RYR3: variants seen among roughly 807,000 people sequenced by gnomAD.
The protein encoded by RYR3 is brain ryanodine receptor-calcium release channel.
A neutral mutation model predicts 584.3 loss-of-function variants in RYR3; 207 were observed. The ratio of observed to expected loss-of-function variants is 0.35; its 90% CI spans 0.32 to 0.40. The LOEUF is 0.40. RYR3 is among the 10% of genes least tolerant of loss of function. The pLI is 1.00. For synonymous variants in RYR3, 2,416 were observed against 2,248.5 expected (o/e 1.07, Z -2.11); for missense variants, 5,616 against 6,089.2 (o/e 0.92, Z 2.59).
In RYR3 at chr15:33,395,321, T is replaced by A. The variant is rs116316159; in HGVS notation, c.52-78098T>A. On this transcript the variant is annotated intron_variant, in intron 1 of 103. Transcript: ENST00000634891. ...GAAGACATTTCTAATGCAGAGATGA[T>A]GCTTTATGTTTTATTCTTTCTAACC... Among the ~76,000 whole-genome samples the A allele has an allele frequency of 1.6e-3, 245 of 152,370 alleles. 1 individual carries two copies. The highest frequency in any genetic ancestry group is 5.7e-3 in the African/African-American group (237 of 41,580).
Position 33,780,350 on chromosome 15 carries a change from C to G in RYR3, c.9268+9C>G, listed in dbSNP as rs1216937711. 6.2e-7 allele frequency: 1 copy of G among 1,613,284 alleles called. No individual in the cohort carries two copies. The highest frequency in any genetic ancestry group is 1.7e-4 in the Middle Eastern group (1 of 6,060). On this transcript the variant is annotated intron_variant, in intron 65 of 103. Coordinates refer to ENST00000634891, the MANE Select transcript of RYR3 (RefSeq NM_001036.6). ...CCCCAGGGAGAGGTCTAGTAAGTAT[C>G]TCCCCTCAAAGGTCATCAACCCATT...
At chr15:33,521,258 A>T (rs1037018739) in intron 3 of RYR3, among the ~76,000 whole-genome samples, 2 of 152,126 alleles carry the variant, frequency 1.3e-5, no homozygotes, top group South Asian at 2.1e-4. Flanking sequence ...CCTGAAAGAG[A>T]CTACTTTACT....
intron 1 of RYR3, among the ~76,000 whole-genome samples, chr15:33,345,387 A>C (rs1972326191): frequency 6.6e-6 from 1 of 152,038 alleles, no homozygotes; most frequent in South Asian, 2.1e-4. Context: ...TCCCTTTGTC[A>C]CTCTGGCTAG....
chr15:33,504,727 C>A (rs1196816127), intron 3 of RYR3, among the ~76,000 whole-genome samples: 1 of 152,210 alleles, frequency 6.6e-6, no homozygotes, highest in African/African-American at 2.4e-5. Context: ...TGCCCCATCT[C>A]TCACCACATC....
At chr15:33,605,615 C>T (rs1056827035) in intron 18 of RYR3, among the ~76,000 whole-genome samples, 10 of 152,178 alleles carry the variant, frequency 6.6e-5, no homozygotes, top group Admixed American at 2.0e-4. Flanking sequence ...AAGTTTTATA[C>T]GTTTCATTCT....
intron 49 of RYR3, among the ~76,000 whole-genome samples, chr15:33,736,716 T>A (rs2069497978): frequency 6.6e-6 from 1 of 152,186 alleles, no homozygotes; most frequent in Non-Finnish European, 1.5e-5. Flanking sequence ...GTGCTTTTCT[T>A]CTTTGTAAGA....
intron 99 of RYR3, 53 bp from the exon 100 acceptor site, chr15:33,859,522 C>G (rs1419923928): frequency 1.3e-6 from 2 of 1,598,532 alleles, no homozygotes; most frequent in Non-Finnish European, 1.7e-6. Context: ...GAGCATCTTG[C>G]TAAAAACAGA....
chr15:33,736,770 A>G (rs7161952), intron 49 of RYR3, among the ~76,000 whole-genome samples: 30,219 of 131,912 alleles, frequency 0.23, 3,092 homozygotes, highest in South Asian at 0.29. Context: ...TTTAAATGAG[A>G]TGGAGTCTTG....
intron 1 of RYR3, among the ~76,000 whole-genome samples, chr15:33,349,106 C>CTTTTTT (rs749996197): frequency 1.8e-5 from 2 of 113,558 alleles, no homozygotes; most frequent in Non-Finnish European, 3.6e-5. Context: ...TAGCTTGTGC[C>CTTTTTT]TTTTTTTTTT....
intron 1 of RYR3, among the ~76,000 whole-genome samples, chr15:33,461,144 C>T (rs1050413875): frequency 5.3e-5 from 8 of 151,830 alleles, no homozygotes; most frequent in African/African-American, 1.9e-4. Context: ...CGGGGTTTCA[C>T]CGTGTTAGCC....
At chr15:33,615,760 T>G (rs933252098) in intron 19 of RYR3, among the ~76,000 whole-genome samples, 1 of 152,188 alleles carries the variant, frequency 6.6e-6, no homozygotes, top group African/African-American at 2.4e-5. Context: ...GCTATTCTCA[T>G]TGACAGCCAT....
chr15:33,554,920 A>G (rs2056967156), intron 10 of RYR3, among the ~76,000 whole-genome samples: 1 of 152,168 alleles, frequency 6.6e-6, no homozygotes, highest in African/African-American at 2.4e-5. Context: ...GGCCATATAT[A>G]TAGCCGCTTT....
At chr15:33,466,132 GTCCTTAAAATACACCTGTTTTTTAAA>G (rs2048468940) in intron 1 of RYR3, among the ~76,000 whole-genome samples, 1 of 152,136 alleles carries the variant, frequency 6.6e-6, no homozygotes, top group Non-Finnish European at 1.5e-5. Flanking sequence ...AAACTTGGGA[GTCCTTAAAATACACCTGTTTTTTAAA>G]GCCATGTAAC....
At position 33,830,955 on chromosome 15, in the gene RYR3, GT is replaced by G; in HGVS notation, c.11335-3del. On this transcript the variant is annotated splice_polypyrimidine_tract_variant and splice_region_variant and intron_variant, in intron 85 of 103. Coordinates refer to ENST00000634891, the MANE Select transcript of RYR3 (RefSeq NM_001036.6). ...GAGAAATACTAAGCTCTACTCATTT[GT>G]TTTTAGGAATCAATCAGTGATTTCT... is the stretch of plus-strand genomic sequence containing the variant. The G allele has an allele frequency of 6.2e-7, 1 of 1,612,640 alleles. No individual in the cohort carries two copies. Among genetic ancestry groups the G allele is most frequent in the South Asian group, 1.1e-5 (1 of 90,810 alleles).
At chr15:33,791,585 C>T (rs928970828) in intron 67 of RYR3, among the ~76,000 whole-genome samples, 1 of 152,016 alleles carries the variant, frequency 6.6e-6, no homozygotes, top group African/African-American at 2.4e-5. Flanking sequence ...CAGGGAGATG[C>T]GGGGTGATTA....
chr15:33,434,478 T>C (rs1259539022), intron 1 of RYR3, among the ~76,000 whole-genome samples: 2 of 152,244 alleles, frequency 1.3e-5, no homozygotes, highest in Non-Finnish European at 2.9e-5. Flanking sequence ...CTAAAACTTA[T>C]CTTCTCTCTG....
chr15:33,647,546 A>G lies in RYR3; in HGVS notation c.3978+86A>G, dbSNP rs1357254150. 7.3e-6 allele frequency: 7 copies of G among 953,532 alleles called. No homozygotes were observed. In the African/African-American group the frequency reaches 8.1e-5, roughly 11 times the overall value. The allele number at this position is 953,532 out of a possible 1,614,324, so 59.1% of individuals were successfully genotyped here. A position where few individuals can be genotyped will look rare whatever the true frequency, so the allele number is the denominator to read the frequency against. On this transcript the variant is annotated intron_variant, in intron 30 of 103. Coordinates refer to ENST00000634891, the MANE Select transcript of RYR3 (RefSeq NM_001036.6). ...TGCCCCTTACAGCAAAGATCCGTCT[A>G]GAGATCCTCTTTAATTGCCAATTAC...
chr15:33,859,690 T>A lies in RYR3; in HGVS notation c.14258T>A (p.Phe4753Tyr). 1 of 1,613,438 alleles carries A rather than the reference T, an allele frequency of 6.2e-7. No homozygotes were observed. Among genetic ancestry groups the A allele is most frequent in the Non-Finnish European group, 8.5e-7 (1 of 1,179,602 alleles). Residue 4753 changes from phenylalanine to tyrosine, a missense_variant, in exon 100 of 104, where the codon TTT becomes TAT. By Grantham distance (22) the Phe-to-Tyr change is conservative. Around this residue, in one of 9 missense-constraint regions of RYR3, gnomAD observed 918 missense variants for 887.4 expected, o/e 1.03. Transcript: ENST00000634891. ...EMYRIVFDIT[F>Y]FFFVIVILLA... ...TATCGCATTGTCTTTGACATTACCT[T>A]TTTCTTCTTCGTCATTGTCATCTTG...
chr15:33,666,367 A>G (rs368589072), intron 36 of RYR3, among the ~76,000 whole-genome samples: 1 of 152,158 alleles, frequency 6.6e-6, no homozygotes, highest in East Asian at 1.9e-4. Context: ...ATTTTTAGCA[A>G]GTTTTCAGGT....
Sources: gnomAD v4.1 joint callset for allele counts (sites outside exome capture counted in the v4.1 genomes callset) on GRCh38, gnomAD v4.1.1 for gene constraint, gnomAD v4.1.1 regional missense constraint, MANE v1.5 for transcripts, NCBI Gene and HGNC (gene_info 2026-07-23, HGNC 2026-07-21) for gene names.